Variants in RNF24 observed in about 807,000 individuals in gnomAD.
The protein encoded by RNF24 is ring finger protein 24.
Under a neutral mutation model 20.0 loss-of-function variants are expected in RNF24, and 14 were observed. The observed-to-expected ratio is 0.70, with a 90% confidence interval of 0.46 to 1.10. RNF24 has a LOEUF of 1.10. RNF24 is among the 50% of genes least tolerant of loss of function. The probability of loss-of-function intolerance (pLI) is 0.00; values close to 1 mark genes in which losing one functional copy is unlikely to be tolerated. For missense variants in RNF24, 124 were observed against 177.6 expected (o/e 0.70, Z 1.71); for synonymous variants, 45 against 61.1 (o/e 0.74, Z 1.23).
At chr20:3,935,953 C>T (rs1477083392) in intron 4 of RNF24, among the ~76,000 whole-genome samples, 4 of 152,248 alleles carry the variant, frequency 2.6e-5, no homozygotes, top group African/African-American at 9.6e-5. Flanking sequence ...TTTCTCCCTA[C>T]TTGCTTCCCT....
chr20:3,952,115 G>A (rs1388117805), intron 2 of RNF24, among the ~76,000 whole-genome samples: 1 of 150,484 alleles, frequency 6.6e-6, no homozygotes, highest in Admixed American at 6.6e-5. Context: ...GTTATTCTTG[G>A]TTCTCTGCAG....
chr20:3,960,677 A>T (rs1349961268), intron 2 of RNF24, among the ~76,000 whole-genome samples: 1 of 152,204 alleles, frequency 6.6e-6, no homozygotes, highest in Non-Finnish European at 1.5e-5. Flanking sequence ...AAAACAAAAC[A>T]AAACAAAACA....
chr20:3,976,675 C>T (rs1023649299), intron 1 of RNF24, among the ~76,000 whole-genome samples: 1 of 152,250 alleles, frequency 6.6e-6, no homozygotes, highest in Admixed American at 6.5e-5. Context: ...GTATGCACAT[C>T]GTCAAATGCC....
intron 1 of RNF24, among the ~76,000 whole-genome samples, chr20:3,996,040 T>C (rs1427166785): frequency 1.3e-5 from 2 of 152,206 alleles, no homozygotes; most frequent in South Asian, 2.1e-4. Flanking sequence ...CTATACAAGT[T>C]TGTAATTTTT....
At chr20:3,948,323 T>C (rs2146962199) in intron 2 of RNF24, 44 bp from the exon 3 acceptor site, 2 of 1,352,656 alleles carry the variant, frequency 1.5e-6, no homozygotes, top group Non-Finnish European at 2.0e-6. Flanking sequence ...ATTTCCAACA[T>C]AGTAACTTGA....
At chr20:3,935,242 T>C (rs372318336) in intron 4 of RNF24, among the ~76,000 whole-genome samples, 169 bp from the exon 5 acceptor site, 1 of 151,188 alleles carries the variant, frequency 6.6e-6, no homozygotes, top group African/African-American at 2.4e-5. Flanking sequence ...CAGGCCAAAA[T>C]AGATGAATGT....
At chr20:3,978,966 C>T (rs1351261419) in intron 1 of RNF24, among the ~76,000 whole-genome samples, 5 of 151,508 alleles carry the variant, frequency 3.3e-5, no homozygotes, top group Middle Eastern at 3.2e-3. Context: ...ATTAGCCAGG[C>T]GCGGTGGCGT....
At chr20:3,937,289 A>C (rs2146941771) in intron 4 of RNF24, among the ~76,000 whole-genome samples, 1 of 152,312 alleles carries the variant, frequency 6.6e-6, no homozygotes, top group South Asian at 2.1e-4. Context: ...AAAAGAGAAA[A>C]GCCTCAGATG....
chr20:3,934,384 G>C lies in RNF24; in HGVS notation c.309-183C>G, dbSNP rs2090865145. Among the ~76,000 whole-genome samples, 1 of 152,184 alleles carries C rather than the reference G, an allele frequency of 6.6e-6. No individual in the cohort carries two copies. Among genetic ancestry groups the C allele is most frequent in the Admixed American group, 6.5e-5 (1 of 15,284 alleles). ...AGGGAAGAGACAGAGAGAAGGAGTG[G>C]GGAGAGGCCAAGGGGTCAGCAATCC... On this transcript the variant is annotated intron_variant, in intron 5 of 5. Transcript: ENST00000358395. The surrounding 1 kb of genome is among the most constrained non-coding windows in gnomAD (Gnocchi z 4.0).
At chr20:3,947,405 AAAGAT>A (rs2091031975) in intron 3 of RNF24, among the ~76,000 whole-genome samples, 1 of 152,218 alleles carries the variant, frequency 6.6e-6, no homozygotes, top group African/African-American at 2.4e-5. Flanking sequence ...GCCTTTGAGA[AAAGAT>A]AAGTGTATTA....
At position 3,934,626 on chromosome 20, in the gene RNF24, A is replaced by G. The variant is rs1417057460; in HGVS notation, c.308+368T>C. 1.3e-5 allele frequency among the ~76,000 whole-genome samples: 2 copies of G among 152,212 alleles called. No homozygotes were observed. Among genetic ancestry groups the G allele is most frequent in the Admixed American group, 6.5e-5 (1 of 15,280 alleles). Reference sequence around the variant, plus strand: ...AAGTGGGAGGAGAGTGCCCCACACTACCATTTATATCCAGACTTTATTTTG... The same window carrying G: ...AAGTGGGAGGAGAGTGCCCCACACTGCCATTTATATCCAGACTTTATTTTG... On this transcript the variant is annotated intron_variant, in intron 5 of 5. Transcript: ENST00000358395. The surrounding 1 kb of genome is among the most constrained non-coding windows in gnomAD (Gnocchi z 4.0).
chr20:3,932,185 T>C lies in RNF24; in HGVS notation c.*1878A>G, dbSNP rs1043643816. On this transcript the variant is annotated 3_prime_UTR_variant, in exon 6 of 6. Transcript: ENST00000358395. The stretch of plus-strand genomic sequence containing the variant: ...AGGCTAGTCCAGAAGCAAGCCTCCT[T>C]CTGATATTGGTCACTGAAAACAGCT... 2 of 152,326 alleles carry C rather than the reference T, an allele frequency of 1.3e-5. No individual in the cohort carries two copies. The highest frequency in any genetic ancestry group is 3.9e-4 in the East Asian group (2 of 5,180). 9.4% of individuals were successfully genotyped at this position (152,326 alleles called of 1,614,324 possible).
intron 1 of RNF24, among the ~76,000 whole-genome samples, chr20:3,972,735 T>C (rs1349028970): frequency 6.6e-6 from 1 of 151,938 alleles, no homozygotes; most frequent in African/African-American, 2.4e-5. Flanking sequence ...ACCCCATCTC[T>C]ACTAAAAATA....
At chr20:3,993,280 C>G (rs1036751552) in intron 1 of RNF24, among the ~76,000 whole-genome samples, 1 of 151,936 alleles carries the variant, frequency 6.6e-6, no homozygotes, top group Non-Finnish European at 1.5e-5. Context: ...GTAGAAGAAA[C>G]TGAAAACTCA....
intron 1 of RNF24, among the ~76,000 whole-genome samples, chr20:4,004,041 G>A (rs567257688): frequency 3.3e-5 from 5 of 152,148 alleles, no homozygotes; most frequent in African/African-American, 7.2e-5. Flanking sequence ...GAATTGGCCC[G>A]GACTTTTCAT....
intron 1 of RNF24, among the ~76,000 whole-genome samples, chr20:3,984,511 G>A (rs947600987): frequency 4.6e-5 from 7 of 152,144 alleles, no homozygotes; most frequent in Non-Finnish European, 1.0e-4. Flanking sequence ...AGGTGCTCTA[G>A]TCTCTACAAC....
chr20:3,942,273 A>G (rs1358539262), intron 4 of RNF24, among the ~76,000 whole-genome samples: 1 of 150,370 alleles, frequency 6.7e-6, no homozygotes, highest in African/African-American at 2.4e-5. Flanking sequence ...GGCTCAAGCA[A>G]TCCTCCCACC....
chr20:3,968,436 C>G (rs1175315466), intron 1 of RNF24, among the ~76,000 whole-genome samples: 2 of 152,134 alleles, frequency 1.3e-5, no homozygotes, highest in East Asian at 1.9e-4. Context: ...CAGGGAGACC[C>G]CACCTGTACA....
intron 2 of RNF24, among the ~76,000 whole-genome samples, chr20:3,958,440 C>G (rs773335664): frequency 2.6e-5 from 4 of 152,176 alleles, no homozygotes; most frequent in Non-Finnish European, 5.9e-5. Flanking sequence ...CACCTACTAG[C>G]CAGGTTTTGC....
Sources: gnomAD v4.1 joint callset for allele counts (sites outside exome capture counted in the v4.1 genomes callset) on GRCh38, gnomAD v4.1.1 for gene constraint, Gnocchi (gnomAD v3.1) non-coding constraint, MANE v1.5 for transcripts, NCBI Gene and HGNC (gene_info 2026-07-23, HGNC 2026-07-21) for gene names.